ADGB: variants seen among roughly 807,000 people sequenced by gnomAD.
ADGB encodes calpain-7-like protein.
In ADGB, 172 loss-of-function variants were observed where a neutral mutation model predicts 210.5. The observed-to-expected ratio is 0.82, with a 90% CI of 0.72 to 0.93. ADGB has a LOEUF of 0.93. ADGB is among the 40% of genes least tolerant of loss of function. The pLI is 0.00. For synonymous variants in ADGB, 658 were observed against 662.7 expected (o/e 0.99, Z 0.11); for missense variants, 2,025 against 1,964.8 (o/e 1.03, Z -0.58).
chr6:146,762,725 C>T (rs1777511929), intron 27 of ADGB, among the ~76,000 whole-genome samples: 1 of 152,064 alleles, frequency 6.6e-6, no homozygotes, highest in South Asian at 2.1e-4. Context: ...TCTAGAGTTG[C>T]CATGACTCTA....
At chr6:146,696,974 AT>A (rs780437482) in intron 12 of ADGB, among the ~76,000 whole-genome samples, 1 of 152,156 alleles carries the variant, frequency 6.6e-6, no homozygotes, top group Non-Finnish European at 1.5e-5. Flanking sequence ...ACTGATGAAT[AT>A]TTTCGGTTAT....
intron 1 of ADGB, among the ~76,000 whole-genome samples, chr6:146,602,575 C>T (rs1337794863): frequency 1.3e-5 from 2 of 152,140 alleles, no homozygotes; most frequent in South Asian, 2.1e-4. Context: ...AAACAACAAA[C>T]ATTTGTTTCT....
intron 2 of ADGB, among the ~76,000 whole-genome samples, chr6:146,637,292 G>A (rs1775438914): frequency 6.6e-6 from 1 of 152,012 alleles, no homozygotes; most frequent in South Asian, 2.1e-4. Context: ...TTGAGCTGGA[G>A]AGACAGAGGA....
intron 24 of ADGB, 28 bp downstream of exon 24, chr6:146,740,621 G>A: frequency 1.3e-6 from 2 of 1,542,658 alleles, no homozygotes; most frequent in Non-Finnish European, 8.8e-7. Context: ...TGACAAATAT[G>A]TCTCTAAATG....
At chr6:146,678,775 A>G (rs912722713) in intron 9 of ADGB, among the ~76,000 whole-genome samples, 1 of 152,242 alleles carries the variant, frequency 6.6e-6, no homozygotes, top group Admixed American at 6.5e-5. Context: ...GCATATCCTA[A>G]TAATGACTTG....
At chr6:146,736,658 T>C in intron 23 of ADGB, 67 bp downstream of exon 23, 1 of 1,101,896 alleles carries the variant, frequency 9.1e-7, no homozygotes, top group Non-Finnish European at 1.3e-6. Flanking sequence ...GTTTGAATAC[T>C]ACCATATTTG....
chr6:146,672,186 G>T (rs149743815), intron 7 of ADGB, 34 bp from the exon 8 acceptor site: 3 of 1,441,446 alleles, frequency 2.1e-6, no homozygotes, highest in South Asian at 1.5e-5. Context: ...AAAAAACATC[G>T]TTTGGAAATT....
At chr6:146,776,923 G>A (rs866784953) in intron 29 of ADGB, among the ~76,000 whole-genome samples, 73 of 151,914 alleles carry the variant, frequency 4.8e-4, no homozygotes, top group Admixed American at 1.8e-3. Flanking sequence ...TAGCAGCTGA[G>A]CCAGAATTCA....
rs1775730513 is a variant in ADGB, at chr6:146,653,281, C to T, written c.331-854C>T. On this transcript the variant is annotated intron_variant, in intron 3 of 35. Transcript: ENST00000397944. ...TGTATAATTATTTCATTACATATTA[C>T]AATGGAATAACAGTGGAAATAAAGT... 3.9e-5 allele frequency among the ~76,000 whole-genome samples: 6 copies of T among 151,972 alleles called. 1 individual carries two copies. The highest frequency in any genetic ancestry group is 3.3e-4 in the Admixed American group (5 of 15,226).
chr6:146,741,447 G>C (rs1319779690), intron 25 of ADGB, among the ~76,000 whole-genome samples, 176 bp downstream of exon 25: 1 of 150,628 alleles, frequency 6.6e-6, no homozygotes, highest in African/African-American at 2.5e-5. Context: ...TTAAATGTAA[G>C]TGCTAAAGCA....
intron 1 of ADGB, among the ~76,000 whole-genome samples, chr6:146,614,800 C>A (rs986867438): frequency 4.6e-5 from 7 of 152,184 alleles, no homozygotes; most frequent in Admixed American, 1.3e-4. Context: ...ATCTGCTCAA[C>A]TTCTGATGGG....
chr6:146,740,682 G>C (rs1583616680), intron 24 of ADGB, 89 bp downstream of exon 24: 1 of 1,332,470 alleles, frequency 7.5e-7, no homozygotes, highest in Middle Eastern at 2.3e-4. Context: ...AAAGGTATTA[G>C]CTTCTGGGTT....
At chr6:146,602,843 G>A (rs1037434063) in intron 1 of ADGB, among the ~76,000 whole-genome samples, 1 of 152,204 alleles carries the variant, frequency 6.6e-6, no homozygotes, top group Non-Finnish European at 1.5e-5. Flanking sequence ...GTGCATACAA[G>A]GGATCTAGGT....
intron 9 of ADGB, among the ~76,000 whole-genome samples, chr6:146,679,225 A>C (rs1776125903): frequency 6.6e-6 from 1 of 152,198 alleles, no homozygotes; most frequent in South Asian, 2.1e-4. Flanking sequence ...AACAATGATC[A>C]ATCTTTACCA....
At chr6:146,642,283 G>A (rs983316182) in intron 2 of ADGB, among the ~76,000 whole-genome samples, 4 of 152,048 alleles carry the variant, frequency 2.6e-5, no homozygotes, top group African/African-American at 9.7e-5. Context: ...TACACTGTTG[G>A]TGGGAGTGTA....
chr6:146,605,750 A>G (rs1780622250), intron 1 of ADGB, among the ~76,000 whole-genome samples: 1 of 152,208 alleles, frequency 6.6e-6, no homozygotes. Context: ...TAAAAAACGT[A>G]GCAAAATTCC....
At chr6:146,724,377 C>T in intron 18 of ADGB, 50 bp downstream of exon 18, 1 of 1,472,758 alleles carries the variant, frequency 6.8e-7, no homozygotes, top group Non-Finnish European at 9.0e-7. Context: ...TGAAGGCTTG[C>T]AAATTGTTGG....
intron 12 of ADGB, among the ~76,000 whole-genome samples, chr6:146,699,267 T>C (rs1156532091): frequency 1.3e-5 from 2 of 152,076 alleles, no homozygotes; most frequent in Admixed American, 6.6e-5. Context: ...TAGCACGTGG[T>C]TCAGTCCAAA....
chr6:146,676,475 T>G (rs1776086403), intron 9 of ADGB, 34 bp downstream of exon 9: 4 of 1,296,704 alleles, frequency 3.1e-6, no homozygotes, highest in Non-Finnish European at 4.0e-6. Context: ...AATAACTATT[T>G]TAGTTGTTTC....
Sources: gnomAD v4.1 joint callset for allele counts (sites outside exome capture counted in the v4.1 genomes callset) on GRCh38, gnomAD v4.1.1 for gene constraint, MANE v1.5 for transcripts, NCBI Gene and HGNC (gene_info 2026-07-23, HGNC 2026-07-21) for gene names.